The following FMO3 variants were observed in gnomAD, a reference collection of about 807,000 sequenced individuals.
The protein encoded by FMO3 is flavin-containing monooxygenase 3.
Under a neutral mutation model 39.4 loss-of-function variants are expected in FMO3, and 40 were observed. That is an observed-to-expected ratio of 1.02 (90% CI 0.79 to 1.32). FMO3 has a LOEUF of 1.32. Ranked by LOEUF, FMO3 falls within the 40% of genes most tolerant of loss-of-function variation. FMO3 has a pLI of 0.00. For synonymous variants in FMO3, 219 were observed against 228.8 expected (o/e 0.96, Z 0.39); for missense variants, 680 against 651.8 (o/e 1.04, Z -0.47).
rs748979138 is a variant in FMO3, at chr1:171,107,835, C to T, written c.482C>T (p.Pro161Leu). 6.2e-7 allele frequency: 1 copy of T among 1,613,704 alleles called. No individual in the cohort carries two copies. The highest frequency in any genetic ancestry group is 2.2e-5 in the East Asian group (1 of 44,854). The part of the protein sequence containing the change: ...VYPNLPKESF[P>L]GLNHFKGKCF... ...CCCAACCTACCAAAAGAGTCCTTTCCAGGTAAGGCCAAAATTTAAGCTGCT... is the reference window on the plus strand; with the variant it reads ...CCCAACCTACCAAAAGAGTCCTTTCTAGGTAAGGCCAAAATTTAAGCTGCT... Residue 161 changes from proline to leucine, a missense_variant and splice_region_variant, in exon 4 of 9, where the codon CCA becomes CTA. Transcript: ENST00000367755.
intron 2 of FMO3, among the ~76,000 whole-genome samples, chr1:171,102,292 G>C (rs905934372): frequency 6.6e-6 from 1 of 152,176 alleles, no homozygotes; most frequent in Middle Eastern, 3.2e-3. Flanking sequence ...CTAGTGCTCA[G>C]TACTTTCCAC....
chr1:171,107,139 CAAAT>C (rs936794235), intron 3 of FMO3, among the ~76,000 whole-genome samples: 1 of 152,060 alleles, frequency 6.6e-6, no homozygotes, highest in African/African-American at 2.4e-5. Flanking sequence ...TAGCTGTGAA[CAAAT>C]ATTTATCGAT....
At chr1:171,107,553 T>G in intron 3 of FMO3, 122 bp from the exon 4 acceptor site, 1 of 742,748 alleles carries the variant, frequency 1.3e-6, no homozygotes, top group South Asian at 1.6e-5. Flanking sequence ...GAATTTTAAA[T>G]TTGTAATATG....
chr1:171,115,854 G>A (rs960013394), intron 7 of FMO3, among the ~76,000 whole-genome samples: 3 of 152,136 alleles, frequency 2.0e-5, no homozygotes, highest in Non-Finnish European at 4.4e-5. Flanking sequence ...TGGCAAAGCA[G>A]GATTAATTTC....
rs28363544 is a variant in FMO3 at position 171,107,182 on chromosome 1, T to C, written c.322-493T>C. ...CTAGTCAAAGCTACTCAGTGTATAGTCCAAGTGACATCAGCGTCACCTAGG... is the reference window on the plus strand; with the variant it reads ...CTAGTCAAAGCTACTCAGTGTATAGCCCAAGTGACATCAGCGTCACCTAGG... On this transcript the variant is annotated intron_variant, in intron 3 of 8. Coordinates refer to ENST00000367755, the MANE Select transcript of FMO3 (RefSeq NM_001002294.3). Among the ~76,000 whole-genome samples the C allele has an allele frequency of 5.2e-3, 792 of 152,290 alleles. 7 individuals are homozygous for C. The highest frequency in any genetic ancestry group is 0.017 in the African/African-American group (705 of 41,564).
At position 171,098,290 on chromosome 1, in the gene FMO3, A is replaced by T. The variant is rs557574292; in HGVS notation, c.133-5495A>T. ...GCAATGCGGGCTCTTTTTTGGTTCC[A>T]TATGAACTTTAAAGTAGTTTTTTCA... On this transcript the variant is annotated intron_variant, in intron 2 of 8. Transcript: ENST00000367755. 3.3e-5 allele frequency among the ~76,000 whole-genome samples: 5 copies of T among 152,194 alleles called. No individual in the cohort carries two copies. The East Asian group carries it at 7.7e-4, about 24-fold the overall frequency.
Position 171,110,877 on chromosome 1 carries a change from T to C in FMO3, c.707T>C (p.Val236Ala). ...GGTTATCCTTGGGACATGCTGCTCG[T>C]CACTCGATTTGGAACCTTCCTCAAG... ...DNGYPWDMLL[V>A]TRFGTFLKNN... Residue 236 changes from valine (V) to alanine (A), a missense_variant, in exon 6 of 9, where the codon GTC becomes GCC. Coordinates refer to ENST00000367755, the MANE Select transcript of FMO3 (RefSeq NM_001002294.3). 1 of 1,614,058 alleles carries C rather than the reference T, an allele frequency of 6.2e-7. No individual in the cohort carries two copies. Among genetic ancestry groups the C allele is most frequent in the Admixed American group, 1.7e-5 (1 of 59,996 alleles).
intron 2 of FMO3, 136 bp downstream of exon 2, chr1:171,092,926 G>A (rs940112288): frequency 6.2e-6 from 6 of 965,248 alleles, no homozygotes; most frequent in Non-Finnish European, 9.6e-6. Context: ...ACTAAGTACA[G>A]TGTCAAGAGC....
intron 2 of FMO3, 42 bp from the exon 3 acceptor site, chr1:171,103,743 T>G (rs747200261): frequency 6.7e-7 from 1 of 1,488,046 alleles, no homozygotes; most frequent in African/African-American, 1.4e-5. Context: ...ATCAGTATAC[T>G]CATTTACCAA....
chr1:171,091,604 C>G lies in FMO3; in HGVS notation c.-7+623C>G, dbSNP rs958128387. 3.3e-5 allele frequency among the ~76,000 whole-genome samples: 5 copies of G among 152,092 alleles called. No homozygotes were observed. In the East Asian group the frequency reaches 7.7e-4, roughly 24 times the overall value. ...ACATGACTTCTTTCCCCAACACCCC[C>G]CGGAGAGAAGGTCTCACTCTGTCAC... On this transcript the variant is annotated intron_variant, in intron 1 of 8. Coordinates refer to ENST00000367755, the MANE Select transcript of FMO3 (RefSeq NM_001002294.3).
intron 2 of FMO3, chr1:171,099,741 C>T (rs67727346): frequency 0.54 from 80,101 of 147,638 alleles, 22,571 homozygotes; most frequent in African/African-American, 0.71. Context: ...AGTGGCCTAT[C>T]GAGCTGACCA....
chr1:171,098,825 A>G (rs1655224963), intron 2 of FMO3, among the ~76,000 whole-genome samples: 1 of 152,144 alleles, frequency 6.6e-6, no homozygotes, highest in African/African-American at 2.4e-5. Flanking sequence ...TTCCAACACT[A>G]TGTTGAATAG....
intron 2 of FMO3, among the ~76,000 whole-genome samples, chr1:171,102,865 AT>A (rs530894382): frequency 1.3e-5 from 2 of 152,178 alleles, no homozygotes; most frequent in Non-Finnish European, 2.9e-5. Flanking sequence ...AAATTCAGAT[AT>A]TTTTACATCA....
intron 3 of FMO3, among the ~76,000 whole-genome samples, chr1:171,106,015 C>CT (rs1358047369): frequency 6.6e-6 from 1 of 151,950 alleles, no homozygotes; most frequent in Non-Finnish European, 1.5e-5. Context: ...CTTTCCAACT[C>CT]TTATTATAAA....
chr1:171,104,700 C>T (rs1470754070), intron 3 of FMO3, among the ~76,000 whole-genome samples: 1 of 152,074 alleles, frequency 6.6e-6, no homozygotes, highest in African/African-American at 2.4e-5. Context: ...ATGGAGAAAC[C>T]ATGTCTCTAC....
At position 171,091,804 on chromosome 1, in the gene FMO3, G is replaced by A. The variant is rs371359253; in HGVS notation, c.-7+823G>A. Among the ~76,000 whole-genome samples, 5 of 152,184 alleles carry A rather than the reference G, an allele frequency of 3.3e-5. No homozygotes were observed. In the South Asian group the frequency reaches 1.0e-3, roughly 32 times the overall value. On this transcript the variant is annotated intron_variant, in intron 1 of 8. Coordinates refer to ENST00000367755, the MANE Select transcript of FMO3 (RefSeq NM_001002294.3). Reference sequence around the variant, plus strand: ...TGAAGTACATTATTGATGGGGAGAAGGGGTGACTACCTGGCACACTGAAAT... The same window carrying A: ...TGAAGTACATTATTGATGGGGAGAAAGGGTGACTACCTGGCACACTGAAAT...
chr1:171,098,028 C>A (rs1184648721), intron 2 of FMO3, among the ~76,000 whole-genome samples: 3 of 152,188 alleles, frequency 2.0e-5, no homozygotes, highest in Non-Finnish European at 4.4e-5. Context: ...GTTTTCCCAG[C>A]ACCATTTGTT....
chr1:171,100,096 A>G (rs1655307005), intron 2 of FMO3: 1 of 152,178 alleles, frequency 6.6e-6, no homozygotes. Context: ...GCCATATCTT[A>G]TACACAGTGA....
Position 171,107,924 on chromosome 1 carries a change from G to A in FMO3, c.484+87G>A. On this transcript the variant is annotated intron_variant, in intron 4 of 8. Coordinates refer to ENST00000367755, the MANE Select transcript of FMO3 (RefSeq NM_001002294.3). ...CTTCTTTTTTCTAAAAGTATAAGCA[G>A]GTTAAATTAAAATATACTTCTGTTA... The A allele has an allele frequency of 1.2e-5, 17 of 1,464,150 alleles. No individual in the cohort carries two copies. The South Asian group carries it at 1.8e-4, about 16-fold the overall frequency. 90.7% of individuals were successfully genotyped at this position (1,464,150 alleles called of 1,614,324 possible).
Sources: gnomAD v4.1 joint callset for allele counts (sites outside exome capture counted in the v4.1 genomes callset) on GRCh38, gnomAD v4.1.1 for gene constraint, MANE v1.5 for transcripts, NCBI Gene and HGNC (gene_info 2026-07-23, HGNC 2026-07-21) for gene names.